Variants in LIPA observed in about 807,000 individuals in gnomAD.
The protein encoded by LIPA is lysosomal acid lipase/cholesteryl ester hydrolase.
In LIPA, 26 loss-of-function variants were observed where a neutral mutation model predicts 40.6. The observed-to-expected ratio is 0.64, with a 90% confidence interval of 0.47 to 0.89. The LOEUF is 0.89. LIPA is among the 40% of genes least tolerant of loss of function. LIPA has a pLI of 0.00. For synonymous variants in LIPA, 188 were observed against 168.4 expected, an observed-to-expected ratio of 1.12 and a Z score of -0.90; for missense variants, 455 against 479.6, an observed-to-expected ratio of 0.95 and a Z score of 0.48.
chr10:89,389,975 CTTTTTTTTTTTT>C (rs56947144), intron 2 of LIPA, among the ~76,000 whole-genome samples: 1 of 80,342 alleles, frequency 1.2e-5, no homozygotes, highest in African/African-American at 5.4e-5. Flanking sequence ...AGATTTCTTT[CTTTTTTTTTTTT>C]TTTTTTTTTT....
At chr10:89,338,380 A>G in intron 1 of LIPA, 2 of 339,598 alleles carry the variant, frequency 5.9e-6, no homozygotes, top group Non-Finnish European at 1.1e-5. Context: ...GCAGTCGGTC[A>G]GAGGGAGAAT....
rs142563563 is a variant in LIPA, at chr10:89,329,879, G to C, written c.-2+12732C>G. The stretch of plus-strand genomic sequence containing the variant: ...AGTCCGAAAAGAAAGTCAGGGAAGG[G>C]AGATAGGGGTGGGGCCATTTTATAA... On this transcript the variant is annotated intron_variant, in intron 1 of 5. Coordinates refer to the LIPA transcript ENST00000282673. Among the ~76,000 whole-genome samples the C allele has an allele frequency of 3.3e-4, 50 of 152,222 alleles. No homozygotes were observed. In the East Asian group the frequency reaches 8.9e-3, roughly 27 times the overall value.
At position 89,225,172 on chromosome 10, in the gene LIPA, C is replaced by A; in HGVS notation, c.595G>T (p.Ala199Ser). ...GCGACGGAAGCCACAGGACCCAGGG[C>A]AAAAAACATTTTAATCCTTTTAGCC... Reference protein sequence around the residue: ...ELAKRIKMFFALGPVASVAFC... With the variant: ...ELAKRIKMFFSLGPVASVAFC... Residue 199 changes from alanine (A) to serine (S), a missense_variant, in exon 6 of 10, where the codon GCC becomes TCC. Transcript: ENST00000336233. The A allele has an allele frequency of 6.2e-7, 1 of 1,613,874 alleles. No individual in the cohort carries two copies.
intron 6 of LIPA, among the ~76,000 whole-genome samples, chr10:89,224,220 G>T (rs546025373): frequency 1.3e-5 from 2 of 152,370 alleles, no homozygotes; most frequent in African/African-American, 2.4e-5. Flanking sequence ...ATGTCTGCCA[G>T]AGGTGTGCCC....
chr10:89,307,871 C>T (rs1038042748), intron 1 of LIPA: 14 of 156,934 alleles, frequency 8.9e-5, no homozygotes, highest in Non-Finnish European at 1.6e-4. Flanking sequence ...CAGTATCCCC[C>T]ATCGCTTATC....
At chr10:89,362,703 C>CT (rs1431444277) in intron 2 of LIPA, 4 of 686,272 alleles carry the variant, frequency 5.8e-6, no homozygotes, top group Non-Finnish European at 9.3e-6. Flanking sequence ...AAATGCTTCC[C>CT]GCTATAGAAT....
In LIPA at chr10:89,317,269, C is replaced by T. The variant is rs117011210; in HGVS notation, c.-2+25342G>A. ...GACAATCGGTAATAACAAATTTCTT[C>T]GAGCTAAGGGAGGATGTTTGAACCC... On this transcript the variant is annotated intron_variant, in intron 1 of 5. Coordinates refer to the LIPA transcript ENST00000282673. Among the ~76,000 whole-genome samples, 519 of 152,190 alleles carry T rather than the reference C, an allele frequency of 3.4e-3. 1 individual carries two copies. Among genetic ancestry groups the T allele is most frequent in the Non-Finnish European group, 5.4e-3 (365 of 67,976 alleles).
chr10:89,221,373 A>G (rs1477364084), intron 8 of LIPA, among the ~76,000 whole-genome samples: 1 of 152,156 alleles, frequency 6.6e-6, no homozygotes, highest in Non-Finnish European at 1.5e-5. Context: ...AAATAAAACG[A>G]AAAAATAAAA....
At chr10:89,258,699 A>G (rs528602743) in intron 1 of LIPA, among the ~76,000 whole-genome samples, 1 of 152,332 alleles carries the variant, frequency 6.6e-6, no homozygotes, top group African/African-American at 2.4e-5. Flanking sequence ...CTGCACTTTC[A>G]AGTATATACC....
intron 1 of LIPA, among the ~76,000 whole-genome samples, chr10:89,323,155 T>C (rs1487426771): frequency 6.6e-6 from 1 of 152,174 alleles, no homozygotes; most frequent in Non-Finnish European, 1.5e-5. Context: ...TCAATAAATG[T>C]GATTCACCAC....
chr10:89,402,873 C>T, intron 2 of LIPA: 1 of 1,614,194 alleles, frequency 6.2e-7, no homozygotes, highest in Non-Finnish European at 8.5e-7. Context: ...AAATCACAAG[C>T]CATTTTCTTT....
At chr10:89,256,389 A>G (rs1246226904), upstream of LIPA, among the ~76,000 whole-genome samples, 1 of 152,216 alleles carries the variant, frequency 6.6e-6, no homozygotes, top group Non-Finnish European at 1.5e-5. Flanking sequence ...AGTAAGCATA[A>G]GTAGCAAAGA....
At chr10:89,303,209 G>A (rs1843457144) in intron 1 of LIPA, among the ~76,000 whole-genome samples, 2 of 152,050 alleles carry the variant, frequency 1.3e-5, no homozygotes, top group Non-Finnish European at 1.5e-5. Context: ...TTGCCCTTGT[G>A]CCCTAAGACA....
At chr10:89,255,002 A>G (rs1843173752), upstream of LIPA, among the ~76,000 whole-genome samples, 1 of 152,174 alleles carries the variant, frequency 6.6e-6, no homozygotes, top group Non-Finnish European at 1.5e-5. Flanking sequence ...AAGCCATTCA[A>G]CAGTTCTCTA....
At chr10:89,243,981 G>A (rs890062313) in intron 3 of LIPA, among the ~76,000 whole-genome samples, 1 of 151,852 alleles carries the variant, frequency 6.6e-6, no homozygotes, top group African/African-American at 2.4e-5. Flanking sequence ...GTTATTCTTT[G>A]GGGGAAAAAA....
chr10:89,230,203 G>A (rs1208845804), intron 3 of LIPA, among the ~76,000 whole-genome samples: 1 of 152,110 alleles, frequency 6.6e-6, no homozygotes, highest in African/African-American at 2.4e-5. Flanking sequence ...TATGTGCCAG[G>A]CCTTCTTCTC....
chr10:89,262,688 T>C (rs1198163631), intron 1 of LIPA, among the ~76,000 whole-genome samples: 2 of 152,340 alleles, frequency 1.3e-5, no homozygotes, highest in Middle Eastern at 3.4e-3. Flanking sequence ...TCCAAACTAC[T>C]AAATCAGAGT....
In LIPA at chr10:89,227,001, A is replaced by G. The variant is rs754332616; in HGVS notation, c.432T>C (p.Tyr144=). ...VSQDEFWAFS[Y]DEMAKYDLPA... is the part of the protein sequence containing the mutation. Reference sequence around the variant, plus strand: ...GTAGGTCATATTTTGCCATCTCATCATAACTGTAATCCAAGAAAGGAACTC... The same window carrying G: ...GTAGGTCATATTTTGCCATCTCATCGTAACTGTAATCCAAGAAAGGAACTC... The change falls in exon 5 of 10, where the codon TAT becomes TAC. Residue 144 remains tyrosine, a synonymous_variant. Transcript: ENST00000336233. The G allele has an allele frequency of 2.5e-6, 4 of 1,574,274 alleles. No homozygotes were observed. The South Asian group carries it at 3.3e-5, about 13-fold the overall frequency.
intron 1 of LIPA, among the ~76,000 whole-genome samples, chr10:89,311,926 A>G (rs2133526991): frequency 6.6e-6 from 1 of 152,300 alleles, no homozygotes; most frequent in Middle Eastern, 3.4e-3. Flanking sequence ...CAAGTGTGGA[A>G]TCTGTATGAC....
Sources: allele counts gnomAD v4.1 joint callset (sites outside exome capture counted in the v4.1 genomes callset), GRCh38; gene constraint gnomAD v4.1.1; transcripts MANE v1.5; gene names NCBI Gene and HGNC (gene_info 2026-07-23, HGNC 2026-07-21).